Variants in MYOM1 observed in about 807,000 individuals in gnomAD.
The protein encoded by MYOM1 is myomesin-1.
A neutral mutation model predicts 205.3 loss-of-function variants in MYOM1; 164 were observed. That is an observed-to-expected ratio of 0.80 (90% CI 0.70 to 0.91). The LOEUF (loss-of-function observed/expected upper bound fraction) is 0.91. Among genes scored for constraint, MYOM1 ranks in the 40% least tolerant of loss-of-function variants. MYOM1 has a pLI of 0.00. For missense variants in MYOM1, 2,011 were observed against 2,127.3 expected (o/e 0.95, Z 1.08); for synonymous variants, 772 against 789.4 (o/e 0.98, Z 0.37).
In MYOM1 at chr18:3,174,150, G is replaced by C. The variant is rs1567949924; in HGVS notation, c.1081C>G (p.Leu361Val). 2 of 1,613,894 alleles carry C rather than the reference G, an allele frequency of 1.2e-6. No homozygotes were observed. Among genetic ancestry groups the C allele is most frequent in the East Asian group, 4.5e-5 (2 of 44,904 alleles). The change falls in exon 7 of 38, where the codon CTT becomes GTT. Residue 361 changes from leucine to valine, a missense_variant. By Grantham distance (32) the Leu-to-Val change is conservative (BLOSUM62 1). Coordinates refer to ENST00000356443, the MANE Select transcript of MYOM1 (RefSeq NM_003803.4). ...ACCACAACTGAAGCATATGCCGAAA[G>C]CTCTCCTTTAACATTCATCGCCGAG... The part of the protein sequence containing the change: ...RASAMNVKGE[L>V]SAYASVVVKR...
intron 2 of MYOM1, among the ~76,000 whole-genome samples, chr18:3,212,736 T>G (rs188540502): frequency 6.6e-6 from 1 of 152,320 alleles, no homozygotes; most frequent in Non-Finnish European, 1.5e-5. Context: ...TACATGTGCT[T>G]TCCTAAATGA....
chr18:3,113,284 GTA>G (rs1347188550), intron 21 of MYOM1, among the ~76,000 whole-genome samples: 4 of 132,680 alleles, frequency 3.0e-5, no homozygotes, highest in Non-Finnish European at 1.6e-5. Flanking sequence ...ATATATGTGT[GTA>G]TGTGTTTGTG....
In MYOM1 at chr18:3,142,062, C is replaced by T. The variant is rs533611178; in HGVS notation, c.1902G>A (p.Glu634=). The part of the protein sequence containing the change: ...QIIVTEEEPS[E]GIVPGPPTDL... ...CTGTCGGGGGGCCAGGCACAATACCCTCTGAAAAACAACAAGGAAAAATGA... is the reference window on the plus strand; with the variant it reads ...CTGTCGGGGGGCCAGGCACAATACCTTCTGAAAAACAACAAGGAAAAATGA... The change falls in exon 14 of 38, where the codon GAG becomes GAA. Residue 634 remains glutamate, a splice_region_variant and synonymous_variant. Transcript: ENST00000356443. 145 of 1,612,760 alleles carry T rather than the reference C, an allele frequency of 9.0e-5. No homozygotes were observed. In the South Asian group the frequency reaches 1.5e-3, roughly 16 times the overall value.
chr18:3,121,262 C>A (rs999082816), intron 19 of MYOM1, among the ~76,000 whole-genome samples: 5 of 152,074 alleles, frequency 3.3e-5, no homozygotes, highest in African/African-American at 1.2e-4. Flanking sequence ...AAAATCCAAC[C>A]CACAGATGAA....
At chr18:3,131,578 G>T in intron 16 of MYOM1, 82 bp from the exon 17 acceptor site, 2 of 1,242,456 alleles carry the variant, frequency 1.6e-6, no homozygotes, top group South Asian at 1.4e-5. Flanking sequence ...AGTGGATCTG[G>T]CTTTATGAAA....
chr18:3,146,062 T>G (rs1442391556), intron 13 of MYOM1, among the ~76,000 whole-genome samples: 1 of 152,076 alleles, frequency 6.6e-6, no homozygotes, highest in East Asian at 1.9e-4. Context: ...ACCTGAATAG[T>G]CCTAAATTTA....
At position 3,151,910 on chromosome 18, in the gene MYOM1, G is replaced by C; in HGVS notation, c.1644-17C>G. On this transcript the variant is annotated splice_polypyrimidine_tract_variant and intron_variant, in intron 11 of 37. Transcript: ENST00000356443. ...ACCTCACACCTAAAGGAATGAGCGT[G>C]ATTGACAAAAATATTAAAAGAAGTA... The C allele has an allele frequency of 6.2e-7, 1 of 1,603,408 alleles. No individual in the cohort carries two copies. Among genetic ancestry groups the C allele is most frequent in the African/African-American group, 1.3e-5 (1 of 74,774 alleles).
At chr18:3,243,961 A>C in the MYOM1 span, among the ~76,000 whole-genome samples, 1 of 152,186 alleles carries the variant, frequency 6.6e-6, no homozygotes, top group Non-Finnish European at 1.5e-5. Flanking sequence ...GGAGCAATGG[A>C]TAGTGACCTT....
At chr18:3,155,431 A>C (rs186504751) in intron 10 of MYOM1, among the ~76,000 whole-genome samples, 9 of 152,274 alleles carry the variant, frequency 5.9e-5, no homozygotes, top group Middle Eastern at 3.4e-3. Context: ...TCACCGTGTT[A>C]GCCAGGATGG....
Position 3,205,991 on chromosome 18 carries a change from T to G in MYOM1, c.290+8943A>C, listed in dbSNP as rs996662999. Among the ~76,000 whole-genome samples, 6 of 152,084 alleles carry G rather than the reference T, an allele frequency of 3.9e-5. No individual in the cohort carries two copies. The East Asian group carries it at 1.2e-3, about 29-fold the overall frequency. Reference sequence around the variant, plus strand: ...ACGGTCTAGTAAGGGAGCAAATATATTATGTCAATCAAGGAAGAAAGGATG... The same window carrying G: ...ACGGTCTAGTAAGGGAGCAAATATAGTATGTCAATCAAGGAAGAAAGGATG... On this transcript the variant is annotated intron_variant, in intron 2 of 37. Transcript: ENST00000356443.
rs71159049 is a variant in MYOM1, at chr18:3,148,844, CAAAAAAAAAAA to C, written c.1900+290_1900+300del. Among the ~76,000 whole-genome samples the C allele has an allele frequency of 2.6e-3, 127 of 47,948 alleles. 1 individual carries two copies. The highest frequency in any genetic ancestry group is 0.02 in the South Asian group (17 of 846). 31.5% of individuals were successfully genotyped at this position (47,948 alleles called of 152,430 possible). ...CTGGGCGACAGAGCGAGACTCCATC[CAAAAAAAAAAA>C]AAAAAAAAAAAAAAAAAGAAAATGG... On this transcript the variant is annotated intron_variant, in intron 13 of 37. Transcript: ENST00000356443.
chr18:3,098,309 G>A (rs1338303752), intron 25 of MYOM1, among the ~76,000 whole-genome samples: 1 of 151,444 alleles, frequency 6.6e-6, no homozygotes, highest in East Asian at 1.9e-4. Flanking sequence ...ATGGAGTCTT[G>A]CTCTGTCACC....
At chr18:3,080,264 T>G (rs1354602330) in intron 33 of MYOM1, among the ~76,000 whole-genome samples, 1 of 152,124 alleles carries the variant, frequency 6.6e-6, no homozygotes, top group African/African-American at 2.4e-5. Flanking sequence ...GGTAAAACTA[T>G]GGATACTATT....
chr18:3,167,405 A>C (rs376680573), intron 9 of MYOM1, among the ~76,000 whole-genome samples: 1 of 152,160 alleles, frequency 6.6e-6, no homozygotes, highest in South Asian at 2.1e-4. Context: ...TTGTTTTGAG[A>C]TGGAGTCCCG....
intron 2 of MYOM1, among the ~76,000 whole-genome samples, chr18:3,204,027 T>C (rs1040833239): frequency 6.6e-6 from 1 of 151,976 alleles, no homozygotes; most frequent in Middle Eastern, 3.2e-3. Context: ...TCTCAATAGA[T>C]GCAGAAAAAG....
rs573497907 is a variant in MYOM1 at position 3,186,682 on chromosome 18, T to C, written c.929+798A>G. Among the ~76,000 whole-genome samples the C allele has an allele frequency of 4.0e-5, 6 of 151,204 alleles. No homozygotes were observed. The South Asian group carries it at 6.3e-4, about 16-fold the overall frequency. On this transcript the variant is annotated intron_variant, in intron 5 of 37. Transcript: ENST00000356443. Reference sequence around the variant, plus strand: ...CTTTTGTTTGGTGTCAGAAAACAAATTGATGCAACTTGCTTATGCTCTCTG... The same window carrying C: ...CTTTTGTTTGGTGTCAGAAAACAAACTGATGCAACTTGCTTATGCTCTCTG...
Position 3,102,490 on chromosome 18 carries a change from CG to C in MYOM1, c.3558del (p.Glu1187LysfsTer9). ...VSTEDSPRLEVESKGNKTKMT... is the reference protein window; with the variant it reads ...VSTEDSPRLEXESKGNKTKMT... ...AGTCCTTACTTGTTGCCCTTGCTTT[CG>C]ACTTCCAATCGTGGAGAGTCCTCAG... On this transcript the variant is annotated frameshift_variant, in exon 23 of 38. Transcript: ENST00000356443. LOFTEE classifies it high-confidence loss of function. The C allele has an allele frequency of 6.2e-7, 1 of 1,611,694 alleles. No homozygotes were observed. Among genetic ancestry groups the C allele is most frequent in the Non-Finnish European group, 8.5e-7 (1 of 1,178,808 alleles).
rs944576783 is a variant in MYOM1 at position 3,152,805 on chromosome 18, G to A, written c.1644-912C>T. On this transcript the variant is annotated intron_variant, in intron 11 of 37. Transcript: ENST00000356443. This position sits in a 1 kb window ranked among gnomAD's most constrained non-coding sequence, Gnocchi z 4.3. The stretch of plus-strand genomic sequence containing the variant: ...AGGGGCGTGGGGGTTGCCAGTGGCA[G>A]GACAGAGGTGGCTGGTGTGGGGGGT... Among the ~76,000 whole-genome samples, 1 of 152,154 alleles carries A rather than the reference G, an allele frequency of 6.6e-6. No homozygotes were observed. The highest frequency in any genetic ancestry group is 1.9e-4 in the East Asian group (1 of 5,198).
Position 3,174,118 on chromosome 18 carries a change from A to C in MYOM1, c.1111+2T>G. The C allele has an allele frequency of 6.2e-7, 1 of 1,613,964 alleles. No homozygotes were observed. Among genetic ancestry groups the C allele is most frequent in the East Asian group, 2.2e-5 (1 of 44,888 alleles). ...TGAAGAAAACAAATCTAGCAAACCT[A>C]CTTTTTACCACAACTGAAGCATATG... On this transcript the variant is annotated splice_donor_variant, in intron 7 of 37. Coordinates refer to ENST00000356443, the MANE Select transcript of MYOM1 (RefSeq NM_003803.4). LOFTEE classifies it high-confidence loss of function.
Sources: gnomAD v4.1 joint callset for allele counts (sites outside exome capture counted in the v4.1 genomes callset) on GRCh38, gnomAD v4.1.1 for gene constraint, Gnocchi (gnomAD v3.1) non-coding constraint, MANE v1.5 for transcripts, NCBI Gene and HGNC (gene_info 2026-07-23, HGNC 2026-07-21) for gene names.